Variants in CTNND1 observed in about 807,000 individuals in gnomAD.
CTNND1 encodes the protein catenin delta-1.
Under a neutral mutation model 112.1 loss-of-function variants are expected in CTNND1, and 16 were observed. That is an observed-to-expected ratio of 0.14 (90% CI 0.10 to 0.22). The LOEUF (loss-of-function observed/expected upper bound fraction) is 0.22, where lower values mean the gene tolerates loss of function less well. Among genes scored for constraint, CTNND1 ranks in the 10% least tolerant of loss-of-function variants. The probability of loss-of-function intolerance (pLI) is 1.00; values close to 1 mark genes in which losing one functional copy is unlikely to be tolerated. For missense variants in CTNND1, 1,008 were observed against 1,257.0 expected (o/e 0.80, Z 3.00); for synonymous variants, 420 against 446.5 (o/e 0.94, Z 0.75).
chr11:57,814,243 A>C (rs2063697477), intron 17 of CTNND1, 68 bp from the exon 18 acceptor site: 1 of 1,148,268 alleles, frequency 8.7e-7, no homozygotes, highest in African/African-American at 1.5e-5. Flanking sequence ...ACCAGAGAGC[A>C]ATTTTCATGA....
chr11:57,795,632 T>C lies in CTNND1; in HGVS notation c.323T>C (p.Ile108Thr), dbSNP rs1394252031. The C allele has an allele frequency of 6.8e-6, 11 of 1,608,434 alleles. No homozygotes were observed. The highest frequency in any genetic ancestry group is 3.4e-5 in the Admixed American group (2 of 59,378). The stretch of plus-strand genomic sequence containing the variant: ...CCCAGGATGCAGGAGCCGGGGCAGA[T>C]TGTGGAGACCTACACGGAGGAGGAT... ...TIPRMQEPGQ[I>T]VETYTEEDPE... Residue 108 changes from isoleucine (I) to threonine (T), a missense_variant, in exon 5 of 21, where the codon ATT (isoleucine) becomes ACT (threonine). Physicochemically the swap from Ile to Thr is moderately conservative, Grantham distance 89 (BLOSUM62 -1). Coordinates refer to ENST00000399050, the MANE Select transcript of CTNND1 (RefSeq NM_001085458.2).
chr11:57,769,464 C>A (rs1401069066), intron 1 of CTNND1, among the ~76,000 whole-genome samples: 1 of 152,156 alleles, frequency 6.6e-6, no homozygotes, highest in Non-Finnish European at 1.5e-5. Context: ...AAGCTAATTT[C>A]TTTTGGCACT....
At position 57,776,897 on chromosome 11, in the gene CTNND1, C is replaced by CT. The variant is rs904821737; in HGVS notation, c.-213-12131dup. Among the ~76,000 whole-genome samples, 22 of 151,616 alleles carry CT rather than the reference C, an allele frequency of 1.5e-4. No homozygotes were observed. In the East Asian group the frequency reaches 2.1e-3, roughly 15 times the overall value. The stretch of plus-strand genomic sequence containing the variant: ...TCTGTCTGGGGTGTGTCTTTTACAA[C>CT]TTTTTTTTTGGTATCTCAGAAAACT... On this transcript the variant is annotated intron_variant, in intron 1 of 20. Transcript: ENST00000399050.
At chr11:57,796,216 C>T (rs2061345278) in intron 5 of CTNND1, among the ~76,000 whole-genome samples, 1 of 151,896 alleles carries the variant, frequency 6.6e-6, no homozygotes, top group East Asian at 1.9e-4. Flanking sequence ...GAAACCCCGT[C>T]TCTACTAAAA....
At chr11:57,810,532 G>A (rs2063210791) in intron 16 of CTNND1, among the ~76,000 whole-genome samples, 3 of 151,956 alleles carry the variant, frequency 2.0e-5, no homozygotes, top group African/African-American at 7.2e-5. Context: ...GTTTCACCAT[G>A]TTGGCCAGGT....
rs760374994 is a variant in CTNND1 at position 57,796,985 on chromosome 11, C to T, written c.949C>T (p.Arg317Cys). The change falls in exon 6 of 21, where the codon CGC becomes TGC. Residue 317 changes from arginine (R) to cysteine (C), a missense_variant. Arg to Cys is a radical substitution (Grantham distance 180). Transcript: ENST00000399050. ...TGGGACACCCTCTGACCCTCGTCGG[C>T]GCCTCAGGTAGGCAAGAATAGGGGA... ...RTGTPSDPRR[R>C]LRSYEDMIGE... The T allele has an allele frequency of 1.4e-5, 21 of 1,460,852 alleles. No individual in the cohort carries two copies. The highest frequency in any genetic ancestry group is 1.4e-4 in the Admixed American group (6 of 44,306). 90.5% of individuals were successfully genotyped at this position (1,460,852 alleles called of 1,614,324 possible). A position where few individuals can be genotyped will look rare whatever the true frequency, so the allele number is the denominator to read the frequency against.
Position 57,816,521 on chromosome 11 carries a change from C to T in CTNND1, c.*213C>T. 1.7e-6 allele frequency: 1 copy of T among 591,626 alleles called. No homozygotes were observed. 36.6% of individuals were successfully genotyped at this position (591,626 alleles called of 1,614,324 possible). A position where few individuals can be genotyped will look rare whatever the true frequency, so the allele number is the denominator to read the frequency against. On this transcript the variant is annotated 3_prime_UTR_variant, in exon 21 of 21. Transcript: ENST00000399050. ...CTCAACGCCTCCCCCTCCCCCATTC[C>T]CTCCATTTTTCTCCCAAGAAACCTG...
intron 1 of CTNND1, among the ~76,000 whole-genome samples, chr11:57,772,807 TCTCTGTCTCG>T (rs1407618447): frequency 6.6e-6 from 1 of 152,144 alleles, no homozygotes; most frequent in Non-Finnish European, 1.5e-5. Context: ...TCTCTCTCTC[TCTCTGTCTCG>T]CTCTGTCTCC....
chr11:57,796,906 C>T lies in CTNND1; in HGVS notation c.870C>T (p.Gly290=). The part of the protein sequence containing the change: ...YGLEDDQRSM[G]YDDLDYGMMS... ...TAGAGGATGACCAGCGTAGTATGGGCTATGATGACCTGGATTATGGTATGA... is the reference window on the plus strand; with the variant it reads ...TAGAGGATGACCAGCGTAGTATGGGTTATGATGACCTGGATTATGGTATGA... The change falls in exon 6 of 21, where the codon GGC becomes GGT. Residue 290 remains glycine, a synonymous_variant. Transcript: ENST00000399050. The T allele has an allele frequency of 6.3e-7, 1 of 1,594,306 alleles. No homozygotes were observed. The highest frequency in any genetic ancestry group is 8.6e-7 in the Non-Finnish European group (1 of 1,166,942).
intron 1 of CTNND1, among the ~76,000 whole-genome samples, chr11:57,770,436 C>T (rs996030513): frequency 2.0e-5 from 3 of 151,582 alleles, no homozygotes; most frequent in Admixed American, 6.6e-5. Context: ...AGGCGGATCA[C>T]GAGGTCAAGA....
chr11:57,802,952 GC>G (rs2137154788), intron 7 of CTNND1, among the ~76,000 whole-genome samples: 1 of 152,296 alleles, frequency 6.6e-6, no homozygotes, highest in Non-Finnish European at 1.5e-5. Context: ...AGTGCTACTG[GC>G]ATCTAGTGAG....
chr11:57,769,364 T>A (rs1003730396), intron 1 of CTNND1, among the ~76,000 whole-genome samples: 2 of 150,814 alleles, frequency 1.3e-5, no homozygotes, highest in Non-Finnish European at 2.9e-5. Context: ...TATGTTGCCC[T>A]GTCTCCAACT....
At chr11:57,777,874 C>T (rs2059177569) in intron 1 of CTNND1, among the ~76,000 whole-genome samples, 1 of 152,274 alleles carries the variant, frequency 6.6e-6, no homozygotes. Context: ...AGAGCTTAAC[C>T]TCTGTTTGCA....
chr11:57,789,869 T>A (rs1298760290), intron 2 of CTNND1, among the ~76,000 whole-genome samples: 2 of 152,124 alleles, frequency 1.3e-5, no homozygotes, highest in Non-Finnish European at 2.9e-5. Flanking sequence ...TGAACTACTG[T>A]GAGGTGCACT....
chr11:57,810,290 TTC>T, intron 16 of CTNND1, 67 bp downstream of exon 16: 1 of 1,162,838 alleles, frequency 8.6e-7, no homozygotes, highest in Non-Finnish European at 1.2e-6. Flanking sequence ...TGCTTCTGTT[TTC>T]TTTCGTTTCT....
At chr11:57,767,021 G>C (rs536953658) in intron 1 of CTNND1, among the ~76,000 whole-genome samples, 2 of 151,600 alleles carry the variant, frequency 1.3e-5, no homozygotes, top group Admixed American at 6.6e-5. Context: ...GTCCAGGCTG[G>C]AGTGCAGTGG....
chr11:57,765,970 A>G (rs1402621074), intron 1 of CTNND1, among the ~76,000 whole-genome samples: 1 of 151,628 alleles, frequency 6.6e-6, no homozygotes. Context: ...CATGGTGAAG[A>G]CTCCTCTTTA....
intron 1 of CTNND1, among the ~76,000 whole-genome samples, chr11:57,787,039 T>C (rs2060213949): frequency 6.6e-6 from 1 of 152,212 alleles, no homozygotes. Flanking sequence ...TGTGAGACCT[T>C]GGGTAGTTTC....
chr11:57,803,478 G>T (rs2062266445), intron 7 of CTNND1, 143 bp from the exon 8 acceptor site: 2 of 528,448 alleles, frequency 3.8e-6, no homozygotes, highest in Admixed American at 3.8e-5. Context: ...GGTGAGGGTC[G>T]CAAACAAAGC....
Sources: allele counts gnomAD v4.1 joint callset (sites outside exome capture counted in the v4.1 genomes callset), GRCh38; gene constraint gnomAD v4.1.1; transcripts MANE v1.5; gene names NCBI Gene and HGNC (gene_info 2026-07-23, HGNC 2026-07-21).